DPYD: variants seen among roughly 807,000 people sequenced by gnomAD.
DPYD encodes dihydropyrimidine dehydrogenase [NADP(+)].
In DPYD, 109 loss-of-function variants were observed where a neutral mutation model predicts 116.2. The observed-to-expected ratio is 0.94, with a 90% CI of 0.80 to 1.10. The LOEUF is 1.10. Ranked by LOEUF, DPYD falls within the 50% of genes least tolerant of loss-of-function variation. DPYD has a pLI of 0.00. For synonymous variants in DPYD, 440 were observed against 432.0 expected (o/e 1.02, Z -0.23); for missense variants, 1,302 against 1,254.5 (o/e 1.04, Z -0.57).
intron 20 of DPYD, among the ~76,000 whole-genome samples, chr1:97,115,221 G>A (rs548694214): frequency 1.1e-4 from 17 of 152,276 alleles, no homozygotes; most frequent in African/African-American, 3.8e-4. Context: ...CAGAATAAAG[G>A]GTGGGTGCTG....
At chr1:97,594,944 A>T (rs1194051774) in intron 9 of DPYD, 115 bp downstream of exon 9, 479 of 554,852 alleles carry the variant, frequency 8.6e-4, no homozygotes, top group East Asian at 1.4e-3. Context: ...TTTGGGTCTT[A>T]GGCAAGGTTG....
At chr1:97,138,168 C>T (rs1445551840) in intron 20 of DPYD, among the ~76,000 whole-genome samples, 2 of 152,098 alleles carry the variant, frequency 1.3e-5, no homozygotes, top group Non-Finnish European at 2.9e-5. Context: ...ATGCTGGATG[C>T]ACACTGAACC....
chr1:97,148,254 G>GC (rs988096761), intron 20 of DPYD, among the ~76,000 whole-genome samples: 2 of 77,182 alleles, frequency 2.6e-5, no homozygotes, highest in African/African-American at 1.5e-4. Flanking sequence ...GTGTGTGTGT[G>GC]GGGGGGGTGT....
chr1:97,260,585 A>C (rs1041672976), intron 18 of DPYD, among the ~76,000 whole-genome samples: 1 of 152,126 alleles, frequency 6.6e-6, no homozygotes, highest in East Asian at 1.9e-4. Flanking sequence ...AATTACCATA[A>C]AATTAGAATG....
At chr1:97,407,492 T>C (rs1028605896) in intron 14 of DPYD, among the ~76,000 whole-genome samples, 2 of 152,190 alleles carry the variant, frequency 1.3e-5, no homozygotes, top group Non-Finnish European at 2.9e-5. Context: ...CTAGAGGACA[T>C]GGGCTATGTC....
intron 12 of DPYD, among the ~76,000 whole-genome samples, chr1:97,544,812 A>G (rs1032910594): frequency 2.0e-5 from 3 of 152,182 alleles, no homozygotes; most frequent in Admixed American, 1.3e-4. Context: ...GGATAAGAAC[A>G]AAAAACAAAA....
At chr1:97,560,593 A>G (rs2102131655) in intron 11 of DPYD, among the ~76,000 whole-genome samples, 1 of 151,890 alleles carries the variant, frequency 6.6e-6, no homozygotes, top group Non-Finnish European at 1.5e-5. Context: ...TTGGTCTCTC[A>G]TGTATTACAT....
At chr1:97,174,769 A>C (rs1324604574) in intron 20 of DPYD, among the ~76,000 whole-genome samples, 2 of 152,182 alleles carry the variant, frequency 1.3e-5, no homozygotes, top group East Asian at 1.9e-4. Context: ...AAAAATTAAC[A>C]ATGTATTTAT....
At chr1:97,584,537 G>C (rs977977549) in intron 10 of DPYD, among the ~76,000 whole-genome samples, 3 of 151,790 alleles carry the variant, frequency 2.0e-5, no homozygotes, top group African/African-American at 7.3e-5. Context: ...GGTTTTTATG[G>C]TTTTAGGTCT....
chr1:97,078,894 G>C lies in DPYD; in HGVS notation c.*82C>G. ...GTATATTTGTTTTAATTTGGAAAGA[G>C]CTGAACACAAGGATCATGATTTTAA... On this transcript the variant is annotated 3_prime_UTR_variant, in exon 23 of 23. Coordinates refer to ENST00000370192, the MANE Select transcript of DPYD (RefSeq NM_000110.4). The C allele has an allele frequency of 6.8e-7, 1 of 1,468,256 alleles. No homozygotes were observed. The highest frequency in any genetic ancestry group is 2.3e-5 in the East Asian group (1 of 44,102). The allele number at this position is 1,468,256 out of a possible 1,614,324, so 91.0% of individuals were successfully genotyped here. A position where few individuals can be genotyped will look rare whatever the true frequency, so the allele number is the denominator to read the frequency against.
At chr1:97,891,463 T>C (rs1672772480) in intron 1 of DPYD, among the ~76,000 whole-genome samples, 1 of 151,940 alleles carries the variant, frequency 6.6e-6, no homozygotes. Flanking sequence ...TAATTTTACC[T>C]AGTTTAAGAA....
chr1:97,120,346 T>C lies in DPYD; in HGVS notation c.2623-21714A>G, dbSNP rs188444987. On this transcript the variant is annotated intron_variant, in intron 20 of 22. Coordinates refer to ENST00000370192, the MANE Select transcript of DPYD (RefSeq NM_000110.4). ...AGAATCAGCCTAACAGGACCGATTA[T>C]CAATTTCCATTTCCTTTCAGCGCCT... Among the ~76,000 whole-genome samples the C allele has an allele frequency of 5.3e-3, 801 of 152,312 alleles. 28 individuals are homozygous for C. The highest frequency in any genetic ancestry group is 0.051 in the Admixed American group (780 of 15,290).
intron 3 of DPYD, among the ~76,000 whole-genome samples, chr1:97,784,621 T>A (rs1052588880): frequency 3.3e-5 from 5 of 152,216 alleles, no homozygotes; most frequent in African/African-American, 1.2e-4. Context: ...ACACAGGCAC[T>A]ATGGAAGCAC....
intron 3 of DPYD, among the ~76,000 whole-genome samples, chr1:97,776,100 T>C (rs7545622): frequency 0.99 from 150,157 of 152,258 alleles, 74,073 homozygotes; most frequent in Middle Eastern, 1. Context: ...CATTTGATAG[T>C]ACAACAGAGT....
intron 18 of DPYD, among the ~76,000 whole-genome samples, chr1:97,238,725 T>C (rs1265162598): frequency 1.3e-5 from 2 of 152,208 alleles, no homozygotes; most frequent in Non-Finnish European, 2.9e-5. Context: ...AAGAAGCCAG[T>C]GTGAGAAGTT....
intron 13 of DPYD, among the ~76,000 whole-genome samples, chr1:97,496,494 C>G (rs1679273181): frequency 6.6e-6 from 1 of 152,056 alleles, no homozygotes; most frequent in Admixed American, 6.6e-5. Flanking sequence ...AAAGTTCAAA[C>G]TCTCTTTGAT....
At chr1:97,405,870 T>G (rs1392235313) in intron 14 of DPYD, among the ~76,000 whole-genome samples, 1 of 152,152 alleles carries the variant, frequency 6.6e-6, no homozygotes, top group African/African-American at 2.4e-5. Context: ...TTAGGTCTTG[T>G]TAAGAAAAAC....
intron 13 of DPYD, among the ~76,000 whole-genome samples, chr1:97,513,543 A>C (rs1017748286): frequency 2.0e-5 from 3 of 151,924 alleles, no homozygotes; most frequent in Non-Finnish European, 4.4e-5. Context: ...TCCAAATTTC[A>C]AATGTCAAGA....
chr1:97,477,855 C>A (rs1015595525), intron 13 of DPYD, among the ~76,000 whole-genome samples: 4 of 151,964 alleles, frequency 2.6e-5, no homozygotes, highest in African/African-American at 7.3e-5. Context: ...CTCCTGACCT[C>A]GTGATCCACC....
Sources: allele counts gnomAD v4.1 joint callset (sites outside exome capture counted in the v4.1 genomes callset), GRCh38; gene constraint gnomAD v4.1.1; transcripts MANE v1.5; gene names NCBI Gene and HGNC (gene_info 2026-07-23, HGNC 2026-07-21).